Variants in FRMD4A observed in about 807,000 individuals in gnomAD.
FRMD4A encodes the protein FERM domain containing 4A.
Under a neutral mutation model 129.1 loss-of-function variants are expected in FRMD4A, and 29 were observed. The observed-to-expected ratio is 0.22, with a 90% CI of 0.17 to 0.31. The LOEUF is 0.31. Ranked by LOEUF, FRMD4A falls within the 10% of genes least tolerant of loss-of-function variation. FRMD4A has a pLI of 1.00. For synonymous variants in FRMD4A, 634 were observed against 571.6 expected (o/e 1.11, Z -1.56); for missense variants, 1,272 against 1,375.8 (o/e 0.92, Z 1.19).
At position 13,868,667 on chromosome 10, in the gene FRMD4A, T is replaced by C. The variant is rs190803107; in HGVS notation, c.46-9755A>G. The stretch of plus-strand genomic sequence containing the variant: ...TATGAAAATTAGCAGGGCATGGCGG[T>C]GTGTGCCTATAGTCCCAGCTACTCG... On this transcript the variant is annotated intron_variant, in intron 2 of 24. Transcript: ENST00000357447. Among the ~76,000 whole-genome samples the C allele has an allele frequency of 3.9e-3, 590 of 152,144 alleles. 6 individuals are homozygous for C. The highest frequency in any genetic ancestry group is 0.013 in the African/African-American group (560 of 41,504).
chr10:13,778,033 C>T (rs899107567), intron 6 of FRMD4A, among the ~76,000 whole-genome samples: 6 of 151,888 alleles, frequency 4.0e-5, no homozygotes, highest in East Asian at 1.9e-4. Flanking sequence ...GAACTCCTGA[C>T]CTCTTGATCC....
intron 11 of FRMD4A, among the ~76,000 whole-genome samples, chr10:13,739,249 G>A (rs1380482737): frequency 6.6e-6 from 1 of 152,178 alleles, no homozygotes; most frequent in African/African-American, 2.4e-5. Flanking sequence ...AAACTTTAAA[G>A]GTGGGATAAA....
intron 2 of FRMD4A, among the ~76,000 whole-genome samples, chr10:14,328,626 ATGTGTGTGTGTGTGTGTGTG>A (rs58681647): frequency 7.0e-6 from 1 of 142,474 alleles, no homozygotes; most frequent in Admixed American, 7.0e-5. Flanking sequence ...ATACATATGC[ATGTGTGTGTGTGTGTGTGTG>A]TGTGTGTGTG....
intron 12 of FRMD4A, among the ~76,000 whole-genome samples, chr10:13,715,905 C>CTAA (rs2088744550): frequency 8.0e-6 from 1 of 125,464 alleles, no homozygotes; most frequent in Non-Finnish European, 1.6e-5. Flanking sequence ...ACTCCCCCCT[C>CTAA]AAAAAAAAAA....
chr10:13,670,271 T>G, intron 17 of FRMD4A, 135 bp downstream of exon 17: 2 of 849,890 alleles, frequency 2.4e-6, no homozygotes, highest in Middle Eastern at 2.4e-4. Flanking sequence ...GCCAGCTCAC[T>G]CAAGAAAAGG....
rs185709003 is a variant in FRMD4A, at chr10:14,014,563, G to A, written c.46-155651C>T. ...GTCACGTCTCATTAGAGGAAGCTGG[G>A]ACTGAGGTTAGACAAACAGAAAGGC... On this transcript the variant is annotated intron_variant, in intron 2 of 24. Transcript: ENST00000357447. Among the ~76,000 whole-genome samples, 84 of 152,262 alleles carry A rather than the reference G, an allele frequency of 5.5e-4. 1 individual carries two copies. Among genetic ancestry groups the A allele is most frequent in the African/African-American group, 1.9e-3 (77 of 41,552 alleles).
At chr10:13,689,198 C>CGGG (rs61670615) in intron 15 of FRMD4A, among the ~76,000 whole-genome samples, 3 of 68,022 alleles carry the variant, frequency 4.4e-5, no homozygotes, top group African/African-American at 1.3e-4. Context: ...AAACTCTTTG[C>CGGG]GGGGGGGGGG....
At chr10:13,943,637 A>T (rs2095309480) in intron 2 of FRMD4A, among the ~76,000 whole-genome samples, 1 of 114,084 alleles carries the variant, frequency 8.8e-6, no homozygotes. Flanking sequence ...ACAGAGCAAG[A>T]CTCTGTCTCA....
chr10:13,659,336 C>T lies in FRMD4A; in HGVS notation c.2053G>A (p.Val685Ile), dbSNP rs755960267. 1.5e-5 allele frequency: 25 copies of T among 1,614,026 alleles called. No homozygotes were observed. Among genetic ancestry groups the T allele is most frequent in the East Asian group, 4.5e-5 (2 of 44,894 alleles). The part of the protein sequence containing the change: ...PDLRVRSPHY[V>I]HSTRSVDISP... The stretch of plus-strand genomic sequence containing the variant: ...AGGCAGACTCACCTCGTGGAATGGA[C>T]GTAGTGGGGACTCCGGACCCGCAGG... Residue 685 changes from valine (V) to isoleucine (I), a missense_variant, in exon 21 of 25, where the codon GTC (valine) becomes ATC (isoleucine). Val to Ile is a conservative substitution (Grantham distance 29). Around this residue, in one of 2 missense-constraint regions of FRMD4A, gnomAD observed 972 missense variants for 892.3 expected, o/e 1.09. Transcript: ENST00000357447.
At chr10:14,106,899 C>T (rs1185283131) in intron 2 of FRMD4A, among the ~76,000 whole-genome samples, 1 of 152,100 alleles carries the variant, frequency 6.6e-6, no homozygotes, top group Non-Finnish European at 1.5e-5. Flanking sequence ...CACCTACACT[C>T]GTATGTTTAT....
rs991649257 is a variant in FRMD4A at position 14,029,821 on chromosome 10, A to G, written c.46-170909T>C. On this transcript the variant is annotated intron_variant, in intron 2 of 24. Coordinates refer to ENST00000357447, the MANE Select transcript of FRMD4A (RefSeq NM_018027.5). ...GATCCAGTTTACATGAAAAAAAAAAAAAAAACTACATGTTTGTTTTTAATC... is the reference window on the plus strand; with the variant it reads ...GATCCAGTTTACATGAAAAAAAAAAGAAAAACTACATGTTTGTTTTTAATC... Among the ~76,000 whole-genome samples the G allele has an allele frequency of 5.3e-5, 8 of 152,150 alleles. 1 individual carries two copies. The highest frequency in any genetic ancestry group is 1.7e-4 in the African/African-American group (7 of 41,422).
intron 2 of FRMD4A, among the ~76,000 whole-genome samples, chr10:14,297,311 C>T (rs534738909): frequency 2.6e-5 from 4 of 152,270 alleles, no homozygotes; most frequent in African/African-American, 7.2e-5. Flanking sequence ...TTATCACATG[C>T]TTTGCTAAAC....
chr10:13,688,694 T>C (rs72767602), intron 15 of FRMD4A, among the ~76,000 whole-genome samples: 11,249 of 152,016 alleles, frequency 0.074, 754 homozygotes, highest in East Asian at 0.3. Flanking sequence ...TTGGTAGGTA[T>C]GGATATTGAC....
At position 13,828,720 on chromosome 10, in the gene FRMD4A, C is replaced by A. The variant is rs149271596; in HGVS notation, c.112-17812G>T. 4.8e-3 allele frequency among the ~76,000 whole-genome samples: 723 copies of A among 152,126 alleles called. 3 individuals are homozygous for A. Among genetic ancestry groups the A allele is most frequent in the African/African-American group, 0.017 (692 of 41,524 alleles). On this transcript the variant is annotated intron_variant, in intron 3 of 24. Coordinates refer to ENST00000357447, the MANE Select transcript of FRMD4A (RefSeq NM_018027.5). ...GCTAATTTTGTATTTTTAGTAGAGA[C>A]AGGGTTTCTCCATGTTGGTCAGGCT...
intron 12 of FRMD4A, among the ~76,000 whole-genome samples, chr10:13,725,460 C>A (rs2134995139): frequency 6.6e-6 from 1 of 152,356 alleles, no homozygotes; most frequent in Non-Finnish European, 1.5e-5. Flanking sequence ...ACATTCCTCC[C>A]CTCCTGTGAC....
chr10:14,251,887 G>GCACACA (rs71388171), intron 2 of FRMD4A, among the ~76,000 whole-genome samples: 53 of 150,804 alleles, frequency 3.5e-4, no homozygotes, highest in African/African-American at 1.2e-3. Context: ...GCACACATGT[G>GCACACA]CACACACACA....
chr10:14,062,919 G>A (rs977933889), intron 2 of FRMD4A, among the ~76,000 whole-genome samples: 1 of 152,196 alleles, frequency 6.6e-6, no homozygotes, highest in Non-Finnish European at 1.5e-5. Context: ...ATCCACACCA[G>A]TTGTCATTTT....
intron 12 of FRMD4A, among the ~76,000 whole-genome samples, chr10:13,717,012 T>A (rs911186943): frequency 6.6e-6 from 1 of 152,008 alleles, no homozygotes; most frequent in Non-Finnish European, 1.5e-5. Flanking sequence ...CTGGCTGGGG[T>A]CAGTGGGTTG....
chr10:13,686,249 GGGA>G (rs1354547115), intron 15 of FRMD4A, among the ~76,000 whole-genome samples: 1 of 152,236 alleles, frequency 6.6e-6, no homozygotes, highest in Non-Finnish European at 1.5e-5. Flanking sequence ...CAGAGATACA[GGGA>G]GGAGAAGGAG....
Sources: gnomAD v4.1 joint callset for allele counts (sites outside exome capture counted in the v4.1 genomes callset) on GRCh38, gnomAD v4.1.1 for gene constraint, gnomAD v4.1.1 regional missense constraint, MANE v1.5 for transcripts, NCBI Gene and HGNC (gene_info 2026-07-23, HGNC 2026-07-21) for gene names.